The following DENND1B variants were observed in gnomAD, a reference collection of about 807,000 sequenced individuals.
The protein encoded by DENND1B is DENN domain containing 1B.
A neutral mutation model predicts 90.1 loss-of-function variants in DENND1B; 59 were observed. The observed-to-expected ratio is 0.65, with a 90% CI of 0.53 to 0.81. DENND1B has a LOEUF of 0.81. DENND1B is among the 40% of genes least tolerant of loss of function. The pLI is 0.00. For synonymous variants in DENND1B, 337 were observed against 324.6 expected, an observed-to-expected ratio of 1.04 and a Z score of -0.41; for missense variants, 862 against 912.6, an observed-to-expected ratio of 0.94 and a Z score of 0.71.
intron 16 of DENND1B, among the ~76,000 whole-genome samples, chr1:197,550,642 T>C (rs1416390023): frequency 7.7e-6 from 1 of 129,602 alleles, no homozygotes; most frequent in Non-Finnish European, 1.6e-5. Flanking sequence ...AAGGGGAACA[T>C]CACACACCAG....
intron 2 of DENND1B, among the ~76,000 whole-genome samples, chr1:197,756,575 CAAAAAAAAAAA>C (rs57605617): frequency 1.5e-4 from 8 of 53,964 alleles, no homozygotes; most frequent in South Asian, 8.5e-4. Flanking sequence ...GTCTCCATCT[CAAAAAAAAAAA>C]AAAAAAAAAA....
intron 10 of DENND1B, among the ~76,000 whole-genome samples, chr1:197,619,661 C>A (rs1382418748): frequency 3.3e-5 from 5 of 151,214 alleles, no homozygotes; most frequent in African/African-American, 1.2e-4. Context: ...TTTCACTGGG[C>A]ATACCCAGAG....
intron 2 of DENND1B, among the ~76,000 whole-genome samples, chr1:197,745,112 A>G (rs909375819): frequency 2.6e-5 from 4 of 152,338 alleles, no homozygotes; most frequent in African/African-American, 9.6e-5. Flanking sequence ...GGTTCCATCC[A>G]GACCACTAAA....
At chr1:197,688,971 T>C (rs1657556066) in intron 3 of DENND1B, 1 of 215,454 alleles carries the variant, frequency 4.6e-6, no homozygotes, top group Non-Finnish European at 9.9e-6. Context: ...GAGCATGGTA[T>C]CACCACTGAT....
At chr1:197,571,040 A>C (rs1673104174) in intron 15 of DENND1B, among the ~76,000 whole-genome samples, 1 of 148,876 alleles carries the variant, frequency 6.7e-6, no homozygotes, top group African/African-American at 2.5e-5. Context: ...TCTCTACTCT[A>C]ACCCATAAGT....
chr1:197,627,444 C>G (rs777515610), intron 10 of DENND1B, among the ~76,000 whole-genome samples: 26 of 152,048 alleles, frequency 1.7e-4, no homozygotes, highest in East Asian at 9.7e-4. Context: ...ATTATCTCAA[C>G]AGATGCAGAA....
intron 2 of DENND1B, among the ~76,000 whole-genome samples, chr1:197,769,559 C>T (rs1038555960): frequency 2.6e-5 from 4 of 152,154 alleles, no homozygotes; most frequent in African/African-American, 7.2e-5. Flanking sequence ...AAGCAGAAAG[C>T]ACCTGGATGT....
intron 2 of DENND1B, among the ~76,000 whole-genome samples, chr1:197,743,955 C>T (rs1663456168): frequency 6.6e-6 from 1 of 152,206 alleles, no homozygotes; most frequent in Non-Finnish European, 1.5e-5. Context: ...TAAGAAATCA[C>T]ATTCTTTGCT....
chr1:197,758,469 G>A (rs77590973), intron 2 of DENND1B, among the ~76,000 whole-genome samples: 2,150 of 152,228 alleles, frequency 0.014, 22 homozygotes, highest in Middle Eastern at 0.041. Context: ...TCTACATGGT[G>A]CAATTTATGA....
At chr1:197,764,830 T>C (rs952430849) in intron 2 of DENND1B, among the ~76,000 whole-genome samples, 2 of 152,172 alleles carry the variant, frequency 1.3e-5, no homozygotes, top group Admixed American at 6.6e-5. Context: ...GTAACACCGG[T>C]GTACTTAAAA....
chr1:197,657,112 CAAA>C (rs1653917083), intron 6 of DENND1B, among the ~76,000 whole-genome samples: 1 of 151,934 alleles, frequency 6.6e-6, no homozygotes, highest in Non-Finnish European at 1.5e-5. Flanking sequence ...ACAATACTAT[CAAA>C]AGAACAAAAA....
chr1:197,562,595 G>C (rs545195294), intron 15 of DENND1B, among the ~76,000 whole-genome samples: 7 of 151,966 alleles, frequency 4.6e-5, no homozygotes, highest in African/African-American at 1.4e-4. Flanking sequence ...ATTGATAAAT[G>C]TTGTGTGTGT....
intron 13 of DENND1B, among the ~76,000 whole-genome samples, chr1:197,602,538 A>G (rs1209061601): frequency 1.3e-5 from 2 of 151,548 alleles, no homozygotes; most frequent in Non-Finnish European, 3.0e-5. Context: ...TAAAGATTAC[A>G]GCAGAACTGT....
chr1:197,662,472 T>C (rs759314453), intron 5 of DENND1B, among the ~76,000 whole-genome samples: 2 of 152,088 alleles, frequency 1.3e-5, no homozygotes, highest in Admixed American at 6.6e-5. Context: ...ATCTTGGGAT[T>C]AGAACCCTAA....
chr1:197,759,702 C>T (rs1406307456), intron 2 of DENND1B, among the ~76,000 whole-genome samples: 1 of 140,804 alleles, frequency 7.1e-6, no homozygotes. Flanking sequence ...GGGATCGCAC[C>T]ACTGCACTCT....
chr1:197,756,817 GA>G (rs1246819886), intron 2 of DENND1B, among the ~76,000 whole-genome samples: 1 of 151,272 alleles, frequency 6.6e-6, no homozygotes, highest in African/African-American at 2.4e-5. Flanking sequence ...CATTATTAAA[GA>G]AAATACTATG....
rs565863626 is a variant in DENND1B at position 197,731,795 on chromosome 1, C to T, written c.83-16721G>A. On this transcript the variant is annotated intron_variant, in intron 2 of 22. Coordinates refer to ENST00000620048, the MANE Select transcript of DENND1B (RefSeq NM_001195215.2). ...AGCTGTCCTGGCCACATGCAGCCTG[C>T]AGGCCATAGGTTGGACAAGCTTGCT... 3.3e-5 allele frequency among the ~76,000 whole-genome samples: 5 copies of T among 152,278 alleles called. No individual in the cohort carries two copies. In the South Asian group the frequency reaches 1.0e-3, roughly 32 times the overall value.
intron 3 of DENND1B, among the ~76,000 whole-genome samples, chr1:197,688,052 AAAC>A (rs1657442287): frequency 6.6e-6 from 1 of 152,148 alleles, no homozygotes. Flanking sequence ...CAAATTAAGA[AAAC>A]AATCTCATTT....
In DENND1B at chr1:197,512,895, T is replaced by C; in HGVS notation, c.1574A>G (p.Asp525Gly). The C allele has an allele frequency of 2.5e-6, 4 of 1,610,740 alleles. No individual in the cohort carries two copies. The highest frequency in any genetic ancestry group is 2.2e-5 in the East Asian group (1 of 44,764). ...CTTGCTTGCTCTTTCAATGTCATCA[T>C]CATCTTCATCATCATATAGAGCACC... ...LDGALYDDEDDDDIERASKLS... is the reference protein window; with the variant it reads ...LDGALYDDEDGDDIERASKLS... Residue 525 changes from aspartate (D) to glycine (G), a missense_variant, in exon 21 of 23, where the codon GAT becomes GGT. By Grantham distance (94) the Asp-to-Gly change is moderately conservative. Transcript: ENST00000620048.
Sources: gnomAD v4.1 joint callset for allele counts (sites outside exome capture counted in the v4.1 genomes callset) on GRCh38, gnomAD v4.1.1 for gene constraint, MANE v1.5 for transcripts, NCBI Gene and HGNC (gene_info 2026-07-23, HGNC 2026-07-21) for gene names.